The following NAP1L4 variants were observed in gnomAD, a reference collection of about 807,000 sequenced individuals.
NAP1L4 encodes the protein nucleosome assembly protein 1-like 4.
In NAP1L4, 15 loss-of-function variants were observed where a neutral mutation model predicts 58.2. That is an observed-to-expected ratio of 0.26 (90% CI 0.17 to 0.40). The LOEUF is 0.40. NAP1L4 is among the 10% of genes least tolerant of loss of function. The probability of loss-of-function intolerance (pLI) is 1.00; values close to 1 mark genes in which losing one functional copy is unlikely to be tolerated. For missense variants in NAP1L4, 384 were observed against 451.1 expected (o/e 0.85, Z 1.35); for synonymous variants, 171 against 155.6 (o/e 1.10, Z -0.74).
At chr11:2,960,640 G>A (rs926851014) in intron 8 of NAP1L4, among the ~76,000 whole-genome samples, 2 of 152,050 alleles carry the variant, frequency 1.3e-5, no homozygotes, top group African/African-American at 4.8e-5. Context: ...AGGATTTTGG[G>A]GTACTGAGCA....
In NAP1L4 at chr11:2,944,782, C is replaced by T. The variant is rs1370678615; in HGVS notation, c.*897G>A. ...GGAGAAGACTGCCGAAGCCCGGCTC[C>T]GGCAGCAGGGTGGCGCCTGCGTCAT... On this transcript the variant is annotated 3_prime_UTR_variant, in exon 16 of 16. Transcript: ENST00000380542. The T allele has an allele frequency of 1.3e-5, 2 of 152,228 alleles. No homozygotes were observed. The highest frequency in any genetic ancestry group is 6.5e-5 in the Admixed American group (1 of 15,288). 9.4% of individuals were successfully genotyped at this position (152,228 alleles called of 1,614,324 possible).
intron 7 of NAP1L4, 112 bp downstream of exon 7, chr11:2,969,691 C>T (rs568120810): frequency 6.8e-4 from 834 of 1,232,580 alleles, no homozygotes; most frequent in Non-Finnish European, 8.6e-4. Flanking sequence ...AGTGCCCTTC[C>T]GCCCACTATG....
intron 4 of NAP1L4, among the ~76,000 whole-genome samples, chr11:2,972,802 T>C (rs1447808758): frequency 1.3e-4 from 20 of 152,108 alleles, no homozygotes; most frequent in Non-Finnish European, 4.4e-5. Flanking sequence ...GACCTCTCTC[T>C]ACAAAAAAAT....
intron 4 of NAP1L4, among the ~76,000 whole-genome samples, chr11:2,972,812 T>A (rs964839762): frequency 6.6e-6 from 1 of 152,012 alleles, no homozygotes; most frequent in African/African-American, 2.4e-5. Flanking sequence ...TACAAAAAAA[T>A]TTTAAAAAAT....
intron 8 of NAP1L4, among the ~76,000 whole-genome samples, chr11:2,961,428 A>C (rs1195528540): frequency 6.6e-6 from 1 of 151,956 alleles, no homozygotes; most frequent in Non-Finnish European, 1.5e-5. Context: ...AAAAATCACA[A>C]GGAAAGGAAG....
rs1474893877 is a variant in NAP1L4, at chr11:2,971,761, A to G, written c.316-227T>C. Among the ~76,000 whole-genome samples, 2 of 152,216 alleles carry G rather than the reference A, an allele frequency of 1.3e-5. No homozygotes were observed. Among genetic ancestry groups the G allele is most frequent in the African/African-American group, 2.4e-5 (1 of 41,448 alleles). On this transcript the variant is annotated intron_variant, in intron 5 of 15. Coordinates refer to ENST00000380542, the MANE Select transcript of NAP1L4 (RefSeq NM_005969.4). This position sits in a 1 kb window ranked among gnomAD's most constrained non-coding sequence, Gnocchi z 4.2. ...AAATAAAGACAGTCCCCGATTTCCA[A>G]TGGTTCAGCTAAAGATTTTCAACTT...
At position 2,955,747 on chromosome 11, in the gene NAP1L4, T is replaced by C. The variant is rs376796854; in HGVS notation, c.912A>G (p.Ser304=). 1.2e-6 allele frequency: 2 copies of C among 1,612,512 alleles called. No homozygotes were observed. Among genetic ancestry groups the C allele is most frequent in the East Asian group, 4.5e-5 (2 of 44,888 alleles). The change falls in exon 11 of 16, where the codon TCA becomes TCG. Residue 304 remains serine (S), a synonymous_variant. Coordinates refer to ENST00000380542, the MANE Select transcript of NAP1L4 (RefSeq NM_005969.4). The surrounding 1 kb of genome is among the most constrained non-coding windows in gnomAD (Gnocchi z 4.2). ...NPLKASGDGE[S]LDEDSEFTLA... ...GACTATTAACAACAAATCTTACCAG[T>C]GATTCTCCATCCCCGGATGCTAGAA... is the stretch of plus-strand genomic sequence containing the variant.
At chr11:2,979,720 G>A (rs530105827) in intron 1 of NAP1L4, among the ~76,000 whole-genome samples, 135 of 151,858 alleles carry the variant, frequency 8.9e-4, no homozygotes, top group African/African-American at 2.8e-3. Context: ...TGCAGCGAGC[G>A]GAGATCATGC....
intron 1 of NAP1L4, among the ~76,000 whole-genome samples, chr11:2,980,072 T>A (rs192561740): frequency 6.6e-6 from 1 of 152,374 alleles, no homozygotes; most frequent in African/African-American, 2.4e-5. Flanking sequence ...ATTATTCCAC[T>A]TTTAAAGATG....
rs1848405137 is a variant in NAP1L4 at position 2,982,824 on chromosome 11, C to T, written c.-17-3587G>A. Among the ~76,000 whole-genome samples the T allele has an allele frequency of 2.0e-5, 3 of 152,106 alleles. No homozygotes were observed. The South Asian group carries it at 6.2e-4, about 32-fold the overall frequency. On this transcript the variant is annotated intron_variant, in intron 1 of 15. Coordinates refer to ENST00000380542, the MANE Select transcript of NAP1L4 (RefSeq NM_005969.4). ...GATCACGACGTGAGGAGTTCAAGACCAGCCTGGCCAACATGGTAAAACCCC... is the reference window on the plus strand; with the variant it reads ...GATCACGACGTGAGGAGTTCAAGACTAGCCTGGCCAACATGGTAAAACCCC...
At chr11:2,967,223 C>A (rs893903261) in intron 7 of NAP1L4, among the ~76,000 whole-genome samples, 4 of 152,148 alleles carry the variant, frequency 2.6e-5, no homozygotes, top group African/African-American at 9.7e-5. Flanking sequence ...CTATGAAAAG[C>A]CACTGACCTC....
intron 1 of NAP1L4, chr11:2,988,129 G>C (rs1417631500): frequency 6.6e-6 from 1 of 152,192 alleles, no homozygotes; most frequent in Non-Finnish European, 1.5e-5. Flanking sequence ...GCCAAGCCCT[G>C]GGGTTTCAAG....
Position 2,981,356 on chromosome 11 carries a change from T to G in NAP1L4, c.-17-2119A>C, listed in dbSNP as rs529970173. Among the ~76,000 whole-genome samples the G allele has an allele frequency of 2.8e-3, 379 of 136,994 alleles. 1 individual carries two copies. Among genetic ancestry groups the G allele is most frequent in the African/African-American group, 9.8e-3 (364 of 36,998 alleles). The allele number at this position is 136,994 out of a possible 152,430, so 89.9% of individuals were successfully genotyped here. ...GCCCAGGAGTTGGAGGCCTGGCGGCTGCAGTGACCTATGACTGCGCCACTG... is the reference window on the plus strand; with the variant it reads ...GCCCAGGAGTTGGAGGCCTGGCGGCGGCAGTGACCTATGACTGCGCCACTG... On this transcript the variant is annotated intron_variant, in intron 1 of 15. Coordinates refer to ENST00000380542, the MANE Select transcript of NAP1L4 (RefSeq NM_005969.4).
At chr11:2,981,319 A>T (rs886736548) in intron 1 of NAP1L4, among the ~76,000 whole-genome samples, 3 of 150,348 alleles carry the variant, frequency 2.0e-5, no homozygotes, top group African/African-American at 7.3e-5. Context: ...CTGAGACAGA[A>T]GCAACACTCG....
Position 2,971,054 on chromosome 11 carries a change from G to A in NAP1L4, c.402+394C>T, listed in dbSNP as rs117447985. On this transcript the variant is annotated intron_variant, in intron 6 of 15. Transcript: ENST00000380542. The surrounding 1 kb of genome is among the most constrained non-coding windows in gnomAD (Gnocchi z 4.2). ...CACCATCTGCAACCAATCCACTGGC[G>A]GAGCACCTCTCAGGGGGCAAGCTAG... is the stretch of plus-strand genomic sequence containing the variant. 1.8e-3 allele frequency among the ~76,000 whole-genome samples: 268 copies of A among 152,310 alleles called. No homozygotes were observed. Among genetic ancestry groups the A allele is most frequent in the Non-Finnish European group, 3.1e-3 (211 of 68,020 alleles).
In NAP1L4 at chr11:2,971,963, G is replaced by C; in HGVS notation, c.315+139C>G. On this transcript the variant is annotated intron_variant, in intron 5 of 15. Coordinates refer to ENST00000380542, the MANE Select transcript of NAP1L4 (RefSeq NM_005969.4). This position sits in a 1 kb window ranked among gnomAD's most constrained non-coding sequence, Gnocchi z 4.2. ...ATGTTAGCGTTCTGAGCTTGTTTAA[G>C]GTAGTCTAGACTAAGCTATGTTTGG... 1.2e-6 allele frequency: 1 copy of C among 823,360 alleles called. No homozygotes were observed. The highest frequency in any genetic ancestry group is 1.8e-6 in the Non-Finnish European group (1 of 563,050). 51.0% of individuals were successfully genotyped at this position (823,360 alleles called of 1,614,324 possible).
chr11:2,944,820 G>C lies in NAP1L4; in HGVS notation c.*859C>G, dbSNP rs576808579. On this transcript the variant is annotated 3_prime_UTR_variant, in exon 16 of 16. Coordinates refer to ENST00000380542, the MANE Select transcript of NAP1L4 (RefSeq NM_005969.4). Reference sequence around the variant, plus strand: ...GCGCCTGCGTCATGAGGACGGGCTCGCATCTTCAGCCCTGGTGGCAGGGAG... The same window carrying C: ...GCGCCTGCGTCATGAGGACGGGCTCCCATCTTCAGCCCTGGTGGCAGGGAG... The C allele has an allele frequency of 6.6e-5, 10 of 152,390 alleles. No homozygotes were observed. Among genetic ancestry groups the C allele is most frequent in the African/African-American group, 2.4e-4 (10 of 41,588 alleles). 9.4% of individuals were successfully genotyped at this position (152,390 alleles called of 1,614,324 possible).
At chr11:2,961,884 C>CTTTTT (rs879668274) in intron 8 of NAP1L4, among the ~76,000 whole-genome samples, 364 of 152,204 alleles carry the variant, frequency 2.4e-3, no homozygotes, top group Middle Eastern at 0.017. Context: ...TTTTCTCTCC[C>CTTTTT]CTCTGCCTTT....
chr11:2,975,186 T>C (rs1847877024), intron 4 of NAP1L4, among the ~76,000 whole-genome samples: 1 of 150,126 alleles, frequency 6.7e-6, no homozygotes, highest in Admixed American at 6.6e-5. Context: ...TGCATGGTGG[T>C]GCATGCCTAT....
Sources: allele counts gnomAD v4.1 joint callset (sites outside exome capture counted in the v4.1 genomes callset), GRCh38; gene constraint gnomAD v4.1.1; non-coding constraint Gnocchi (gnomAD v3.1); transcripts MANE v1.5; gene names NCBI Gene and HGNC (gene_info 2026-07-23, HGNC 2026-07-21).